Variants in MKLN1 observed in about 807,000 individuals in gnomAD.
MKLN1 encodes muskelin 1.
A neutral mutation model predicts 99.0 loss-of-function variants in MKLN1; 18 were observed. The ratio of observed to expected loss-of-function variants is 0.18; its 90% CI spans 0.13 to 0.27. The LOEUF (loss-of-function observed/expected upper bound fraction) is 0.27, where lower values mean the gene tolerates loss of function less well. MKLN1 is among the 10% of genes least tolerant of loss of function. The pLI, the probability that MKLN1 is intolerant of heterozygous loss-of-function variation, is 1.00. For synonymous variants in MKLN1, 288 were observed against 293.2 expected, an observed-to-expected ratio of 0.98 and a Z score of 0.18; for missense variants, 621 against 875.9, an observed-to-expected ratio of 0.71 and a Z score of 3.67.
At position 131,475,055 on chromosome 7, in the gene MKLN1, A is replaced by G. The variant is rs143252449; in HGVS notation, c.2032-3568A>G. Among the ~76,000 whole-genome samples, 97 of 152,294 alleles carry G rather than the reference A, an allele frequency of 6.4e-4. 2 individuals carry two copies. Among genetic ancestry groups the G allele is most frequent in the African/African-American group, 2.0e-3 (82 of 41,546 alleles). ...GGGGGAAATTGGCCCCTGTGATCCAATGGTCCCCCACCAAACCCCTCCCCC... is the reference window on the plus strand; with the variant it reads ...GGGGGAAATTGGCCCCTGTGATCCAGTGGTCCCCCACCAAACCCCTCCCCC... On this transcript the variant is annotated intron_variant, in intron 16 of 17. Coordinates refer to ENST00000352689, the MANE Select transcript of MKLN1 (RefSeq NM_013255.5).
chr7:131,170,966 C>T (rs1472381419), intron 2 of MKLN1, among the ~76,000 whole-genome samples: 2 of 152,110 alleles, frequency 1.3e-5, no homozygotes, highest in Non-Finnish European at 2.9e-5. Flanking sequence ...GGCTGGAGAC[C>T]CATTTTGGGC....
At chr7:131,114,792 C>T (rs1353012350) in intron 1 of MKLN1, among the ~76,000 whole-genome samples, 1 of 152,010 alleles carries the variant, frequency 6.6e-6, no homozygotes, top group Non-Finnish European at 1.5e-5. Context: ...CTAAAATTAG[C>T]CGGGTGTAGT....
chr7:131,328,349 C>T, intron 1 of MKLN1: 1 of 262,432 alleles, frequency 3.8e-6, no homozygotes, highest in Non-Finnish European at 7.4e-6. Context: ...TTGGCGGGGC[C>T]CTGCCCGCGG....
At chr7:131,177,270 C>T (rs1796312392) in intron 2 of MKLN1, among the ~76,000 whole-genome samples, 1 of 152,022 alleles carries the variant, frequency 6.6e-6, no homozygotes, top group Non-Finnish European at 1.5e-5. Flanking sequence ...GAGTTCGAGA[C>T]CAGCCAGGCC....
chr7:131,479,765 C>T (rs967911578), intron 17 of MKLN1, among the ~76,000 whole-genome samples: 7 of 148,204 alleles, frequency 4.7e-5, no homozygotes, highest in Middle Eastern at 4.0e-3. Context: ...AGGCAGAGCT[C>T]GCAGTGAGCC....
At chr7:131,213,234 G>T (rs12533652) in intron 3 of MKLN1, among the ~76,000 whole-genome samples, 2 of 151,940 alleles carry the variant, frequency 1.3e-5, no homozygotes, top group African/African-American at 2.4e-5. Flanking sequence ...ATATTCTGCC[G>T]TGTATTTTAT....
chr7:131,384,313 G>A (rs1475645562), intron 2 of MKLN1, among the ~76,000 whole-genome samples: 2 of 146,908 alleles, frequency 1.4e-5, no homozygotes, highest in South Asian at 2.1e-4. Flanking sequence ...TAGGGATCTC[G>A]AGGTGAGAGC....
chr7:131,411,212 C>A (rs1794863576), intron 6 of MKLN1, 94 bp from the exon 7 acceptor site: 1 of 684,506 alleles, frequency 1.5e-6, no homozygotes, highest in East Asian at 2.9e-5. Context: ...TTAGTAATTT[C>A]TTTTAATGTA....
chr7:131,333,845 G>T (rs1405986201), intron 1 of MKLN1, among the ~76,000 whole-genome samples: 1 of 152,122 alleles, frequency 6.6e-6, no homozygotes, highest in Non-Finnish European at 1.5e-5. Flanking sequence ...AAAAAATTTT[G>T]AACTCATTGG....
At chr7:131,190,153 C>T (rs1031545826) in intron 2 of MKLN1, among the ~76,000 whole-genome samples, 9 of 152,122 alleles carry the variant, frequency 5.9e-5, no homozygotes, top group African/African-American at 1.9e-4. Flanking sequence ...AAAAACCTGC[C>T]AGCCAGCTGC....
chr7:131,275,844 C>G (rs967287548), intron 3 of MKLN1, among the ~76,000 whole-genome samples: 14 of 151,880 alleles, frequency 9.2e-5, no homozygotes, highest in African/African-American at 3.4e-4. Flanking sequence ...AATGGTACAG[C>G]TGAAGGTAGA....
chr7:131,214,395 A>G (rs969464258), intron 3 of MKLN1, among the ~76,000 whole-genome samples: 3 of 152,194 alleles, frequency 2.0e-5, no homozygotes, highest in East Asian at 1.9e-4. Context: ...TACTGAAAAA[A>G]GTACATGAGA....
In MKLN1 at chr7:131,280,286, T is replaced by G. The variant is rs1207031833; in HGVS notation, c.-179+77312T>G. ...GAGCATTCACGTACAGGTTTCCATG[T>G]GGACATACGTTTTCATTTCTCTTGG... On this transcript the variant is annotated intron_variant, in intron 3 of 7. Coordinates refer to the MKLN1 transcript ENST00000416992. Among the ~76,000 whole-genome samples the G allele has an allele frequency of 2.0e-5, 3 of 152,362 alleles. No homozygotes were observed. The East Asian group carries it at 5.8e-4, about 29-fold the overall frequency.
At chr7:131,410,604 G>C (rs563159535) in intron 6 of MKLN1, among the ~76,000 whole-genome samples, 2 of 152,170 alleles carry the variant, frequency 1.3e-5, no homozygotes, top group African/African-American at 4.8e-5. Context: ...AGTTCTCTTG[G>C]ATATGGGTGG....
At chr7:131,208,799 A>G (rs1238583287) in intron 3 of MKLN1, among the ~76,000 whole-genome samples, 1 of 152,218 alleles carries the variant, frequency 6.6e-6, no homozygotes, top group African/African-American at 2.4e-5. Context: ...CATGGAGCTT[A>G]TATTCTAGTG....
At position 131,312,012 on chromosome 7, in the gene MKLN1, TTTTGTTTGTTTG is replaced by T. The variant is rs201282707; in HGVS notation, c.-178-63396_-178-63385del. Among the ~76,000 whole-genome samples the T allele has an allele frequency of 5.3e-5, 8 of 151,946 alleles. No individual in the cohort carries two copies. The East Asian group carries it at 1.4e-3, about 26-fold the overall frequency. ...TCTCAGGCAGGTATTTTTTTTTGTT[TTTTGTTTGTTTG>T]TTTGTTTGTTTGTTTTAGATGGAGT... On this transcript the variant is annotated intron_variant, in intron 3 of 7. Transcript: ENST00000416992.
At chr7:131,415,803 C>G (rs1795001490) in intron 8 of MKLN1, among the ~76,000 whole-genome samples, 1 of 152,022 alleles carries the variant, frequency 6.6e-6, no homozygotes, top group African/African-American at 2.4e-5. Flanking sequence ...GGTTTTTTAT[C>G]CAGAATAATT....
intron 3 of MKLN1, among the ~76,000 whole-genome samples, chr7:131,305,108 A>G (rs894586552): frequency 6.6e-6 from 1 of 152,120 alleles, no homozygotes; most frequent in South Asian, 2.1e-4. Context: ...TTGATTGTGG[A>G]CTTCCAACCA....
intron 1 of MKLN1, among the ~76,000 whole-genome samples, chr7:131,363,589 A>G (rs1389939707): frequency 6.6e-6 from 1 of 152,014 alleles, no homozygotes. Flanking sequence ...TGTGTTATCT[A>G]ACTTTACTTA....
Sources: gnomAD v4.1 joint callset for allele counts (sites outside exome capture counted in the v4.1 genomes callset) on GRCh38, gnomAD v4.1.1 for gene constraint, MANE v1.5 for transcripts, NCBI Gene and HGNC (gene_info 2026-07-23, HGNC 2026-07-21) for gene names.